MAPK10: variants seen among roughly 807,000 people sequenced by gnomAD.
The protein encoded by MAPK10 is mitogen-activated protein kinase 10.
MAPK10 carries 25 observed loss-of-function variants against 59.3 expected under a neutral mutation model. The ratio of observed to expected loss-of-function variants is 0.42; its 90% confidence interval spans 0.31 to 0.59. The LOEUF is 0.59. MAPK10 is among the 20% of genes least tolerant of loss of function. The pLI is 0.15. For synonymous variants in MAPK10, 190 were observed against 200.5 expected (o/e 0.95, Z 0.44); for missense variants, 351 against 568.9 (o/e 0.62, Z 3.90).
In MAPK10 at chr4:86,207,528, G is replaced by A. The variant is rs548004369; in HGVS notation, c.-6-13121C>T. On this transcript the variant is annotated intron_variant, in intron 2 of 13. Coordinates refer to ENST00000641462, the MANE Select transcript of MAPK10 (RefSeq NM_138982.4). The stretch of plus-strand genomic sequence containing the variant: ...TGGCTTAGGATTGACTTGGCGATAC[G>A]GGCTCTTTTTTGGTTCCATATGAAC... Among the ~76,000 whole-genome samples the A allele has an allele frequency of 1.6e-4, 24 of 152,090 alleles. No individual in the cohort carries two copies. The Middle Eastern group carries it at 0.01, about 65-fold the overall frequency.
At chr4:86,552,657 C>T (rs976519718) in intron 1 of MAPK10, among the ~76,000 whole-genome samples, 3 of 152,042 alleles carry the variant, frequency 2.0e-5, no homozygotes, top group African/African-American at 7.2e-5. Context: ...GTGAGAAGTA[C>T]TAGCTTTTTT....
chr4:86,366,754 A>C (rs1668784450), intron 1 of MAPK10, among the ~76,000 whole-genome samples: 1 of 152,192 alleles, frequency 6.6e-6, no homozygotes, highest in Non-Finnish European at 1.5e-5. Context: ...GAAGGAAATG[A>C]AGGTGCTGAA....
chr4:86,039,074 G>A (rs936538497), intron 11 of MAPK10, among the ~76,000 whole-genome samples: 1 of 152,134 alleles, frequency 6.6e-6, no homozygotes, highest in Non-Finnish European at 1.5e-5. Flanking sequence ...TACTACTACA[G>A]ATTAAATAAA....
chr4:86,174,533 G>T (rs1259995544), intron 3 of MAPK10, among the ~76,000 whole-genome samples: 2 of 152,094 alleles, frequency 1.3e-5, no homozygotes, highest in Non-Finnish European at 2.9e-5. Flanking sequence ...GATAGGTGCA[G>T]GAAATCATCA....
intron 2 of MAPK10, among the ~76,000 whole-genome samples, chr4:86,333,753 G>A (rs2096209187): frequency 6.6e-6 from 1 of 151,920 alleles, no homozygotes; most frequent in Admixed American, 6.6e-5. Flanking sequence ...ACCTTTCTGG[G>A]GCTCACATAT....
chr4:86,083,689 G>A (rs1261427102), intron 9 of MAPK10, among the ~76,000 whole-genome samples: 2 of 152,058 alleles, frequency 1.3e-5, no homozygotes, highest in Non-Finnish European at 2.9e-5. Flanking sequence ...TGGACTTTTG[G>A]GGCATGTGAC....
intron 1 of MAPK10, among the ~76,000 whole-genome samples, chr4:86,436,793 T>C (rs550536568): frequency 3.0e-4 from 46 of 152,348 alleles, no homozygotes; most frequent in African/African-American, 1.1e-3. Flanking sequence ...CCAATACCTA[T>C]ATTTTTCTTG....
chr4:86,448,942 C>A (rs1750378599), intron 1 of MAPK10, among the ~76,000 whole-genome samples: 1 of 152,242 alleles, frequency 6.6e-6, no homozygotes, highest in African/African-American at 2.4e-5. Flanking sequence ...AGCGTGCAAC[C>A]AAGATCCCTT....
At chr4:86,159,899 A>G (rs568731517) in intron 3 of MAPK10, among the ~76,000 whole-genome samples, 1 of 149,004 alleles carries the variant, frequency 6.7e-6, no homozygotes, top group South Asian at 2.1e-4. Context: ...CAGATAAAAA[A>G]TTGTATCTAC....
chr4:86,064,195 A>G (rs2046281811), intron 11 of MAPK10, 71 bp downstream of exon 11: 2 of 1,577,594 alleles, frequency 1.3e-6, no homozygotes, highest in East Asian at 2.2e-5. Flanking sequence ...TTAGGCTTCT[A>G]GTCCTATTCA....
At chr4:86,427,314 A>G (rs536947037) in intron 1 of MAPK10, among the ~76,000 whole-genome samples, 7 of 152,122 alleles carry the variant, frequency 4.6e-5, no homozygotes, top group African/African-American at 1.7e-4. Flanking sequence ...ATGGTTTCCA[A>G]GTCAATGCAG....
intron 4 of MAPK10, among the ~76,000 whole-genome samples, chr4:86,141,960 C>T (rs1283489583): frequency 6.6e-6 from 1 of 152,142 alleles, no homozygotes; most frequent in Non-Finnish European, 1.5e-5. Flanking sequence ...GGAAAGTGAA[C>T]ATGTGCAAAG....
intron 1 of MAPK10, among the ~76,000 whole-genome samples, chr4:86,445,488 G>A (rs1253880849): frequency 6.6e-6 from 1 of 152,114 alleles, no homozygotes; most frequent in Non-Finnish European, 1.5e-5. Context: ...TGGATTGATA[G>A]GTGCAGCAAA....
At chr4:86,094,039 T>G (rs994757368) in intron 9 of MAPK10, among the ~76,000 whole-genome samples, 1 of 151,946 alleles carries the variant, frequency 6.6e-6, no homozygotes, top group Non-Finnish European at 1.5e-5. Context: ...TTAGACTATA[T>G]AGTAAGTTGT....
chr4:86,187,613 T>C (rs60545136), intron 3 of MAPK10, among the ~76,000 whole-genome samples: 2,591 of 152,224 alleles, frequency 0.017, 96 homozygotes, highest in African/African-American at 0.058. Flanking sequence ...TAAAGACCCA[T>C]TTCAAGGATT....
At chr4:86,041,641 C>A (rs768781795) in intron 11 of MAPK10, among the ~76,000 whole-genome samples, 19 of 152,066 alleles carry the variant, frequency 1.2e-4, no homozygotes, top group Non-Finnish European at 2.5e-4. Flanking sequence ...CAAACAACCC[C>A]ATCAAAAAGT....
intron 4 of MAPK10, among the ~76,000 whole-genome samples, chr4:86,154,906 T>C (rs1441775116): frequency 6.6e-6 from 1 of 152,090 alleles, no homozygotes; most frequent in African/African-American, 2.4e-5. Flanking sequence ...TCTCGTAATT[T>C]TTATCAGCAA....
chr4:86,095,033 G>A (rs1231351348), intron 9 of MAPK10: 1 of 151,800 alleles, frequency 6.6e-6, no homozygotes, highest in African/African-American at 2.4e-5. Flanking sequence ...GATAGTGTAT[G>A]CATAATTAAG....
intron 11 of MAPK10, among the ~76,000 whole-genome samples, chr4:86,043,679 G>A (rs909765545): frequency 2.0e-5 from 3 of 152,156 alleles, no homozygotes; most frequent in African/African-American, 7.2e-5. Context: ...AGAAGGAAGA[G>A]ACCCACATGC....
Sources: allele counts gnomAD v4.1 joint callset (sites outside exome capture counted in the v4.1 genomes callset), GRCh38; gene constraint gnomAD v4.1.1; transcripts MANE v1.5; gene names NCBI Gene and HGNC (gene_info 2026-07-23, HGNC 2026-07-21).